The following COL19A1 variants were observed in gnomAD, a reference collection of about 807,000 sequenced individuals.
COL19A1 encodes collagen type XIX alpha 1 chain, also known as collagen alpha-1(XIX) chain.
A neutral mutation model predicts 190.2 loss-of-function variants in COL19A1; 159 were observed. That is an observed-to-expected ratio of 0.84 (90% CI 0.73 to 0.95). The LOEUF is 0.95. Ranked by LOEUF, COL19A1 falls within the 40% of genes least tolerant of loss-of-function variation. The pLI is 0.00. For synonymous variants in COL19A1, 509 were observed against 458.9 expected, an observed-to-expected ratio of 1.11 and a Z score of -1.39; for missense variants, 1,418 against 1,431.9, an observed-to-expected ratio of 0.99 and a Z score of 0.16.
At chr6:69,934,266 A>G (rs1439593348) in intron 7 of COL19A1, among the ~76,000 whole-genome samples, 2 of 151,994 alleles carry the variant, frequency 1.3e-5, no homozygotes, top group African/African-American at 4.8e-5. Context: ...TTCTATAAAT[A>G]TCTGAAAAGA....
chr6:69,900,271 C>A lies in COL19A1; in HGVS notation c.199C>A (p.Arg67Ser). Reference protein sequence around the residue: ...FDLGDSFSLRRAFCESDKTCF... With the variant: ...FDLGDSFSLRSAFCESDKTCF... Reference sequence around the variant, plus strand: ...TCTAGGAGACAGCTTTTCTCTAAGACGTGCATTTTGTGAAAGTGATAAAAC... The same window carrying A: ...TCTAGGAGACAGCTTTTCTCTAAGAAGTGCATTTTGTGAAAGTGATAAAAC... The change falls in exon 4 of 51, where the codon CGT (arginine) becomes AGT (serine). Residue 67 changes from arginine (R) to serine (S), a missense_variant. Arg to Ser is a moderately radical substitution (Grantham distance 110, BLOSUM62 -1). Transcript: ENST00000620364. 6.3e-7 allele frequency: 1 copy of A among 1,595,642 alleles called. No individual in the cohort carries two copies. Among genetic ancestry groups the A allele is most frequent in the South Asian group, 1.1e-5 (1 of 87,322 alleles).
At chr6:70,188,021 A>G in intron 46 of COL19A1, 54 bp from the exon 47 acceptor site, 1 of 1,597,858 alleles carries the variant, frequency 6.3e-7, no homozygotes. Context: ...TTTGCTCTCA[A>G]CTACAGCTGA....
At chr6:69,928,955 A>G (rs1411284990) in intron 5 of COL19A1, among the ~76,000 whole-genome samples, 2 of 152,152 alleles carry the variant, frequency 1.3e-5, no homozygotes, top group African/African-American at 4.8e-5. Context: ...CTTGCAAAGT[A>G]TCAATGGTGA....
At chr6:70,019,875 C>T (rs1026467719) in intron 11 of COL19A1, among the ~76,000 whole-genome samples, 9 of 152,048 alleles carry the variant, frequency 5.9e-5, no homozygotes, top group African/African-American at 2.2e-4. Context: ...TGCTTATTTT[C>T]TTCTCAGTGG....
intron 30 of COL19A1, among the ~76,000 whole-genome samples, chr6:70,151,161 G>T (rs1407632236): frequency 6.6e-6 from 1 of 152,174 alleles, no homozygotes; most frequent in African/African-American, 2.4e-5. Flanking sequence ...TGATATGTGT[G>T]TTTGCACATT....
At chr6:70,187,410 G>A (rs569388275) in intron 46 of COL19A1, among the ~76,000 whole-genome samples, 2 of 133,046 alleles carry the variant, frequency 1.5e-5, no homozygotes, top group Admixed American at 1.5e-4. Context: ...AACAAACAGG[G>A]GAAAGCCAGG....
intron 11 of COL19A1, among the ~76,000 whole-genome samples, chr6:70,022,574 C>A (rs142332953): frequency 4.9e-4 from 75 of 152,232 alleles, no homozygotes; most frequent in Non-Finnish European, 9.1e-4. Flanking sequence ...GAAGTATACA[C>A]TTTTCAGGTG....
chr6:69,984,366 C>T (rs139987227), intron 11 of COL19A1, among the ~76,000 whole-genome samples: 20 of 152,034 alleles, frequency 1.3e-4, no homozygotes, highest in African/African-American at 2.4e-4. Context: ...ATCTTTGTTA[C>T]GTATTTTGGT....
At chr6:70,054,465 C>T (rs1313851874) in intron 14 of COL19A1, among the ~76,000 whole-genome samples, 2 of 152,180 alleles carry the variant, frequency 1.3e-5, no homozygotes, top group Non-Finnish European at 2.9e-5. Flanking sequence ...GTAATGACAA[C>T]TTATCATCTT....
intron 2 of COL19A1, among the ~76,000 whole-genome samples, chr6:69,895,483 G>A (rs138847329): frequency 2.3e-3 from 358 of 152,344 alleles, no homozygotes; most frequent in Non-Finnish European, 4.3e-3. Context: ...AATTTGAATG[G>A]TGAGTAAGAC....
At chr6:70,126,296 G>A (rs1785190562) in intron 17 of COL19A1, among the ~76,000 whole-genome samples, 1 of 152,156 alleles carries the variant, frequency 6.6e-6, no homozygotes, top group Admixed American at 6.5e-5. Flanking sequence ...TCCAAGCAGT[G>A]AGTTAAACCC....
chr6:70,077,255 A>C (rs987218127), intron 15 of COL19A1, among the ~76,000 whole-genome samples: 1 of 152,218 alleles, frequency 6.6e-6, no homozygotes, highest in African/African-American at 2.4e-5. Flanking sequence ...AATTATCAAG[A>C]GAGAAGCTAT....
intron 25 of COL19A1, 61 bp from the exon 26 acceptor site, chr6:70,146,598 C>T (rs2150241039): frequency 1.5e-6 from 2 of 1,301,642 alleles, no homozygotes; most frequent in Non-Finnish European, 2.1e-6. Context: ...TTAGTTATAA[C>T]TTCTAATGTG....
chr6:69,947,711 A>G (rs1395437405), intron 9 of COL19A1, among the ~76,000 whole-genome samples: 2 of 151,866 alleles, frequency 1.3e-5, no homozygotes, highest in East Asian at 1.9e-4. Flanking sequence ...AAGCTGAAGC[A>G]GTAGGAGGTT....
At chr6:70,167,937 G>C (rs540405121) in intron 37 of COL19A1, 88 bp from the exon 38 acceptor site, 9 of 950,358 alleles carry the variant, frequency 9.5e-6, no homozygotes, top group Admixed American at 6.9e-5. Context: ...AATAGAATAG[G>C]AATAGTATCA....
chr6:70,180,560 A>G, intron 44 of COL19A1, 37 bp downstream of exon 44: 1 of 1,598,142 alleles, frequency 6.3e-7, no homozygotes, highest in East Asian at 2.2e-5. Context: ...TGCCACCTAG[A>G]GAAATGCTCT....
At chr6:70,055,789 A>AT (rs201683138) in intron 14 of COL19A1, among the ~76,000 whole-genome samples, 9,758 of 149,500 alleles carry the variant, frequency 0.065, 386 homozygotes, top group Middle Eastern at 0.094. Context: ...ATTAAAAAAA[A>AT]AAAAAAAAAA....
chr6:69,921,463 TATATATTC>T (rs1198247371), intron 4 of COL19A1, among the ~76,000 whole-genome samples: 1,717 of 129,572 alleles, frequency 0.013, 242 homozygotes, highest in African/African-American at 0.048. Context: ...ATATATATCA[TATATATTC>T]ATATATTCAT....
At chr6:69,975,795 C>G (rs1162941688) in intron 11 of COL19A1, among the ~76,000 whole-genome samples, 1 of 152,120 alleles carries the variant, frequency 6.6e-6, no homozygotes, top group East Asian at 1.9e-4. Flanking sequence ...CACTGTGACA[C>G]ACCACTGGAG....
Sources: gnomAD v4.1 joint callset for allele counts (sites outside exome capture counted in the v4.1 genomes callset) on GRCh38, gnomAD v4.1.1 for gene constraint, MANE v1.5 for transcripts, NCBI Gene and HGNC (gene_info 2026-07-23, HGNC 2026-07-21) for gene names.